COL4A6: variants seen among roughly 807,000 people sequenced by gnomAD.
COL4A6 encodes the protein collagen type IV alpha 6 chain.
COL4A6 carries 59 observed loss-of-function variants against 126.7 expected under a neutral mutation model. That is an observed-to-expected ratio of 0.47 (90% CI 0.38 to 0.58). The LOEUF (loss-of-function observed/expected upper bound fraction) is 0.58. Among genes scored for constraint, COL4A6 ranks in the 20% least tolerant of loss-of-function variants. The probability of loss-of-function intolerance (pLI) is 0.00; values close to 1 mark genes in which losing one functional copy is unlikely to be tolerated. For missense variants in COL4A6, 1,285 were observed against 1,337.3 expected, an observed-to-expected ratio of 0.96 and a Z score of 0.61; for synonymous variants, 547 against 496.6, an observed-to-expected ratio of 1.10 and a Z score of -1.35.
At chrX:108,347,969 C>A (rs913774682) in intron 2 of COL4A6, among the ~76,000 whole-genome samples, 1 of 110,667 alleles carries the variant, frequency 9.0e-6, no homozygotes, top group Admixed American at 9.7e-5. Flanking sequence ...AGCAGGCAGG[C>A]CAGGCTGGCT....
Position 108,332,705 on chromosome X carries a change from GT to G in COL4A6, c.64-21878del, listed in dbSNP as rs981179163. ...CCATTTTTAATAGAGTTATTTGTTAGTTTTTTTTTTTAGTTTAGTTCCTTGT... is the reference window on the plus strand; with the variant it reads ...CCATTTTTAATAGAGTTATTTGTTAGTTTTTTTTTTAGTTTAGTTCCTTGT... On this transcript the variant is annotated intron_variant, in intron 2 of 44. Coordinates refer to ENST00000334504, the MANE Select transcript of COL4A6 (RefSeq NM_033641.4). 1.7e-3 allele frequency among the ~76,000 whole-genome samples: 182 copies of G among 104,046 alleles called. 4 individuals are homozygous for G. The highest frequency in any genetic ancestry group is 3.2e-3 in the African/African-American group (92 of 29,103). The allele number at this position is 104,046 out of a possible 115,157, so 90.4% of individuals were successfully genotyped here. A position where few individuals can be genotyped will look rare whatever the true frequency, so the allele number is the denominator to read the frequency against.
intron 2 of COL4A6, among the ~76,000 whole-genome samples, chrX:108,427,081 T>C (rs904729133): frequency 1.8e-5 from 2 of 111,806 alleles, no homozygotes; most frequent in African/African-American, 6.5e-5. Flanking sequence ...GCAAAATAAG[T>C]GGCCGGCAAT....
chrX:108,252,066 A>C (rs1196089523), intron 3 of COL4A6, among the ~76,000 whole-genome samples: 1 of 111,336 alleles, frequency 9.0e-6, no homozygotes, highest in Non-Finnish European at 1.9e-5. Flanking sequence ...ATGCAATAGA[A>C]GACAAGAATT....
intron 3 of COL4A6, among the ~76,000 whole-genome samples, chrX:108,277,607 C>G (rs1165032886): frequency 8.9e-6 from 1 of 112,189 alleles, no homozygotes; most frequent in Non-Finnish European, 1.9e-5. Context: ...CAGACTTAAA[C>G]GTCCCTGTCT....
intron 3 of COL4A6, among the ~76,000 whole-genome samples, chrX:108,293,427 G>A (rs1414440372): frequency 2.7e-5 from 3 of 111,453 alleles, no homozygotes; most frequent in African/African-American, 9.8e-5. Context: ...TGTTCAGGCA[G>A]CCTATTTGGA....
At chrX:108,195,010 G>T in intron 15 of COL4A6, 72 bp downstream of exon 15, 1 of 839,383 alleles carries the variant, frequency 1.2e-6, no homozygotes, top group Non-Finnish European at 1.7e-6. Context: ...CTTTGGCCAT[G>T]TTAGGTAAAG....
At chrX:108,397,666 A>G (rs2040995914) in intron 2 of COL4A6, among the ~76,000 whole-genome samples, 1 of 109,335 alleles carries the variant, frequency 9.1e-6, no homozygotes, top group Non-Finnish European at 1.9e-5. Context: ...ACACATATGG[A>G]GAAGTAGGTA....
At chrX:108,403,412 C>T (rs892072056) in intron 2 of COL4A6, among the ~76,000 whole-genome samples, 1 of 110,162 alleles carries the variant, frequency 9.1e-6, no homozygotes, top group South Asian at 3.9e-4. Flanking sequence ...CTCCTTCTGG[C>T]GCTCTAATTC....
chrX:108,426,243 A>G (rs1396728577), intron 2 of COL4A6, among the ~76,000 whole-genome samples: 4 of 111,705 alleles, frequency 3.6e-5, no homozygotes, highest in Non-Finnish European at 7.5e-5. Context: ...TATAACTAAC[A>G]TTAATTCCCT....
intron 20 of COL4A6, among the ~76,000 whole-genome samples, chrX:108,189,693 A>G: frequency 8.9e-6 from 1 of 112,583 alleles, no homozygotes; most frequent in Non-Finnish European, 1.9e-5. Flanking sequence ...TTTCTTAACC[A>G]GACTCTATAT....
intron 2 of COL4A6, among the ~76,000 whole-genome samples, chrX:108,420,975 C>T (rs1206938738): frequency 2.7e-5 from 3 of 111,997 alleles, no homozygotes; most frequent in Admixed American, 9.5e-5. Context: ...GTGTTACAAG[C>T]TTTAGGAGAT....
rs4036315 is a variant in COL4A6 at position 108,309,801 on chromosome X, A to AACACACACAC, written c.144+937_144+946dup. Among the ~76,000 whole-genome samples, 59 of 80,897 alleles carry AACACACACAC rather than the reference A, an allele frequency of 7.3e-4. 1 individual carries two copies. Among genetic ancestry groups the AACACACACAC allele is most frequent in the Non-Finnish European group, 1.0e-3 (43 of 41,412 alleles). The allele number at this position is 80,897 out of a possible 115,157, so 70.2% of individuals were successfully genotyped here. A position where few individuals can be genotyped will look rare whatever the true frequency, so the allele number is the denominator to read the frequency against. ...CTGTAGGATGGCCATTAATCCTGGA[A>AACACACACAC]ACACACACACACACACACACACACA... On this transcript the variant is annotated intron_variant, in intron 3 of 44. Coordinates refer to ENST00000334504, the MANE Select transcript of COL4A6 (RefSeq NM_033641.4).
At chrX:108,281,726 C>T (rs774303596) in intron 3 of COL4A6, among the ~76,000 whole-genome samples, 3,167 of 110,268 alleles carry the variant, frequency 0.029, 112 homozygotes, top group African/African-American at 0.099. Flanking sequence ...GGAGGCATCA[C>T]GCTACCTGAC....
chrX:108,272,498 G>T (rs1201740819), intron 3 of COL4A6, among the ~76,000 whole-genome samples: 1 of 111,133 alleles, frequency 9.0e-6, no homozygotes, highest in Non-Finnish European at 1.9e-5. Flanking sequence ...GTCACTCCAT[G>T]TATGCATAGC....
intron 2 of COL4A6, among the ~76,000 whole-genome samples, chrX:108,362,087 G>C (rs1319614879): frequency 6.3e-5 from 7 of 110,831 alleles, no homozygotes. Flanking sequence ...GTGTGAGAGA[G>C]AGAAAGAGAG....
chrX:108,167,832 T>C (rs779035906), intron 37 of COL4A6, among the ~76,000 whole-genome samples: 18 of 112,272 alleles, frequency 1.6e-4, no homozygotes, highest in Non-Finnish European at 3.0e-4. Context: ...TCAGATACAA[T>C]GAACACTTGT....
intron 23 of COL4A6, among the ~76,000 whole-genome samples, chrX:108,182,785 G>A (rs1427021139): frequency 2.7e-5 from 3 of 112,434 alleles, no homozygotes; most frequent in East Asian, 2.8e-4. Context: ...ATTGTTTTAC[G>A]TCTTAGGAAA....
At chrX:108,374,252 C>A (rs769133496) in intron 2 of COL4A6, among the ~76,000 whole-genome samples, 21 of 112,110 alleles carry the variant, frequency 1.9e-4, no homozygotes, top group Non-Finnish European at 3.2e-4. Flanking sequence ...AGCAAAGGAA[C>A]CAGGAAAACA....
intron 2 of COL4A6, among the ~76,000 whole-genome samples, chrX:108,344,763 A>T (rs1365261780): frequency 8.9e-6 from 1 of 112,297 alleles, no homozygotes; most frequent in African/African-American, 3.2e-5. Flanking sequence ...GGGTTCAGAG[A>T]GTTGCTTCAT....
Sources: gnomAD v4.1 joint callset for allele counts (sites outside exome capture counted in the v4.1 genomes callset) on GRCh38, gnomAD v4.1.1 for gene constraint, MANE v1.5 for transcripts, NCBI Gene and HGNC (gene_info 2026-07-23, HGNC 2026-07-21) for gene names.